The following TFPI variants were observed in gnomAD, a reference collection of about 807,000 sequenced individuals.
TFPI encodes the protein anti-convertin.
Under a neutral mutation model 34.6 loss-of-function variants are expected in TFPI, and 15 were observed. That is an observed-to-expected ratio of 0.43 (90% CI 0.29 to 0.67). The LOEUF is 0.67. Among genes scored for constraint, TFPI ranks in the 30% least tolerant of loss-of-function variants. The pLI is 0.15. For synonymous variants in TFPI, 105 were observed against 120.1 expected, an observed-to-expected ratio of 0.87 and a Z score of 0.82; for missense variants, 301 against 364.0, an observed-to-expected ratio of 0.83 and a Z score of 1.41.
At chr2:187,550,711 G>A (rs930401273) in intron 1 of TFPI, among the ~76,000 whole-genome samples, 2 of 152,206 alleles carry the variant, frequency 1.3e-5, no homozygotes, top group African/African-American at 4.8e-5. Flanking sequence ...GAGAAAAGTT[G>A]TATTACATTT....
chr2:187,519,429 C>T (rs111541793), intron 1 of TFPI: 5,652 of 153,048 alleles, frequency 0.037, 316 homozygotes, highest in African/African-American at 0.12. Context: ...CTGGAGTTTG[C>T]CTGAGGTCCA....
chr2:187,496,496 T>C (rs538009246), intron 3 of TFPI, among the ~76,000 whole-genome samples: 2 of 152,284 alleles, frequency 1.3e-5, no homozygotes, highest in Middle Eastern at 3.4e-3. Flanking sequence ...GAGGTTTTTT[T>C]CTTCTGTCTT....
chr2:187,500,386 CAT>C (rs1434147674), intron 2 of TFPI, among the ~76,000 whole-genome samples: 1 of 152,110 alleles, frequency 6.6e-6, no homozygotes, highest in Admixed American at 6.6e-5. Context: ...AATTGATCCT[CAT>C]ATGGTTTTAC....
At chr2:187,476,815 G>A (rs1692405892) in intron 6 of TFPI, among the ~76,000 whole-genome samples, 1 of 151,930 alleles carries the variant, frequency 6.6e-6, no homozygotes, top group Non-Finnish European at 1.5e-5. Context: ...TTACAATAAG[G>A]ATTTTTCTTT....
At chr2:187,478,656 A>G in intron 6 of TFPI, 1 of 1,610,150 alleles carries the variant, frequency 6.2e-7, no homozygotes, top group South Asian at 1.1e-5. Flanking sequence ...AATATTAAGG[A>G]AATGCCAAAA....
At chr2:187,478,412 G>T (rs1245321598) in intron 6 of TFPI, among the ~76,000 whole-genome samples, 1 of 151,998 alleles carries the variant, frequency 6.6e-6, no homozygotes, top group East Asian at 1.9e-4. Context: ...ACAAATAGTT[G>T]ATGTATGGAA....
chr2:187,487,184 A>G (rs901302437), intron 4 of TFPI, among the ~76,000 whole-genome samples: 5 of 151,520 alleles, frequency 3.3e-5, no homozygotes, highest in Non-Finnish European at 4.4e-5. Flanking sequence ...TTCTTTCACA[A>G]AAATATTTAT....
chr2:187,522,308 T>G (rs941458880), intron 1 of TFPI, among the ~76,000 whole-genome samples: 1 of 152,114 alleles, frequency 6.6e-6, no homozygotes, highest in African/African-American at 2.4e-5. Context: ...TTTTCCCCTA[T>G]GCTTTTGTCT....
intron 6 of TFPI, among the ~76,000 whole-genome samples, chr2:187,472,937 C>T (rs750012317): frequency 3.3e-5 from 5 of 151,748 alleles, no homozygotes; most frequent in Admixed American, 1.3e-4. Context: ...ACTTGAACTC[C>T]GGAGGTGGAG....
In TFPI at chr2:187,497,036, G is replaced by C; in HGVS notation, c.164C>G (p.Ala55Gly). Reference sequence around the variant, plus strand: ...ACATGGGCCATCATCCGCCTTGAATGCACAAAATGAATGCATAAGTTTCAG... The same window carrying C: ...ACATGGGCCATCATCCGCCTTGAATCCACAAAATGAATGCATAAGTTTCAG... ...PPLKLMHSFC[A>G]FKADDGPCKA... Residue 55 changes from alanine (A) to glycine (G), a missense_variant, in exon 3 of 8, where the codon GCA becomes GGA. Ala to Gly is a moderately conservative substitution (Grantham distance 60). Transcript: ENST00000233156. 6.2e-7 allele frequency: 1 copy of C among 1,613,042 alleles called. No individual in the cohort carries two copies. The highest frequency in any genetic ancestry group is 1.3e-5 in the African/African-American group (1 of 74,954).
chr2:187,519,499 G>T (rs776450022), intron 1 of TFPI: 1 of 154,000 alleles, frequency 6.5e-6, no homozygotes, highest in Non-Finnish European at 1.4e-5. Flanking sequence ...AAAGTTTGCT[G>T]CCTGTTACTT....
At chr2:187,550,829 G>A (rs1312502186) in intron 1 of TFPI, among the ~76,000 whole-genome samples, 1 of 151,954 alleles carries the variant, frequency 6.6e-6, no homozygotes, top group Non-Finnish European at 1.5e-5. Context: ...CCATTATTCT[G>A]GAGACTTACC....
At chr2:187,487,595 G>T (rs929896214) in intron 4 of TFPI, among the ~76,000 whole-genome samples, 7 of 151,302 alleles carry the variant, frequency 4.6e-5, no homozygotes, top group Non-Finnish European at 1.0e-4. Flanking sequence ...AAATGTAAAT[G>T]CCATAACTGA....
At chr2:187,507,468 A>C (rs990967647) in intron 1 of TFPI, among the ~76,000 whole-genome samples, 1 of 152,260 alleles carries the variant, frequency 6.6e-6, no homozygotes, top group African/African-American at 2.4e-5. Flanking sequence ...CAATGGTTGA[A>C]CTAATTTACA....
At chr2:187,516,172 A>C (rs1686993424) in intron 1 of TFPI, 1 of 152,228 alleles carries the variant, frequency 6.6e-6, no homozygotes, top group South Asian at 2.1e-4. Flanking sequence ...ATCAAAATAG[A>C]CTAGCCCTAG....
At position 187,551,865 on chromosome 2, in the gene TFPI, A is replaced by G. The variant is rs751710525; in HGVS notation, c.-3+2335T>C. 3.1e-4 allele frequency among the ~76,000 whole-genome samples: 47 copies of G among 152,298 alleles called. 1 individual carries two copies. Among genetic ancestry groups the G allele is most frequent in the Non-Finnish European group, 7.4e-5 (5 of 68,000 alleles). On this transcript the variant is annotated intron_variant, in intron 1 of 7. Transcript: ENST00000233156. ...TTAAAAAGGCAGCCTGCCAAATTTAATTCCTAAAATGAGTTAATTGCTATA... is the reference window on the plus strand; with the variant it reads ...TTAAAAAGGCAGCCTGCCAAATTTAGTTCCTAAAATGAGTTAATTGCTATA...
At chr2:187,550,859 TG>T (rs1689070839) in intron 1 of TFPI, among the ~76,000 whole-genome samples, 1 of 152,136 alleles carries the variant, frequency 6.6e-6, no homozygotes, top group Non-Finnish European at 1.5e-5. Context: ...AGATTTACTC[TG>T]TTTTTAAGCC....
intron 1 of TFPI, among the ~76,000 whole-genome samples, chr2:187,538,052 T>C (rs1688362117): frequency 6.6e-6 from 1 of 152,168 alleles, no homozygotes; most frequent in South Asian, 2.1e-4. Flanking sequence ...CTCACACCCA[T>C]TAGAATAGCA....
chr2:187,522,678 T>C (rs1210125452), intron 1 of TFPI, among the ~76,000 whole-genome samples: 2 of 138,114 alleles, frequency 1.4e-5, no homozygotes, highest in Non-Finnish European at 3.0e-5. Context: ...GGTCAGGAGA[T>C]CAAGACCATC....
Sources: gnomAD v4.1 joint callset for allele counts (sites outside exome capture counted in the v4.1 genomes callset) on GRCh38, gnomAD v4.1.1 for gene constraint, MANE v1.5 for transcripts, NCBI Gene and HGNC (gene_info 2026-07-23, HGNC 2026-07-21) for gene names.